SGCD: variants seen among roughly 807,000 people sequenced by gnomAD.
SGCD encodes delta-sarcoglycan.
In SGCD, 18 loss-of-function variants were observed where a neutral mutation model predicts 36.6. That is an observed-to-expected ratio of 0.49 (90% confidence interval 0.34 to 0.73). The LOEUF is 0.73. Ranked by LOEUF, SGCD falls within the 30% of genes least tolerant of loss-of-function variation. SGCD has a pLI of 0.01. For synonymous variants in SGCD, 133 were observed against 130.6 expected, an observed-to-expected ratio of 1.02 and a Z score of -0.12; for missense variants, 387 against 346.7, an observed-to-expected ratio of 1.12 and a Z score of -0.92.
chr5:155,817,426 A>G, the SGCD span, among the ~76,000 whole-genome samples: 6 of 151,876 alleles, frequency 4.0e-5, no homozygotes, highest in African/African-American at 9.7e-5. Flanking sequence ...TGCCAACAAT[A>G]GGTTTAATTA....
intron 3 of SGCD, among the ~76,000 whole-genome samples, chr5:156,231,284 C>T (rs1014011046): frequency 2.6e-5 from 4 of 152,120 alleles, no homozygotes; most frequent in Non-Finnish European, 5.9e-5. Flanking sequence ...CCTGTAATCC[C>T]GACATTTTGG....
At chr5:155,919,422 C>T (rs889686684) in intron 1 of SGCD, among the ~76,000 whole-genome samples, 1 of 152,190 alleles carries the variant, frequency 6.6e-6, no homozygotes, top group Non-Finnish European at 1.5e-5. Context: ...TGAAAGAAAC[C>T]TACTTAGTCA....
intron 7 of SGCD, among the ~76,000 whole-genome samples, chr5:156,754,556 A>T (rs1182202037): frequency 6.6e-6 from 1 of 152,266 alleles, no homozygotes; most frequent in African/African-American, 2.4e-5. Context: ...AGGGGTAAAG[A>T]TACAATAGAT....
At chr5:156,087,253 G>T (rs949942747) in intron 1 of SGCD, among the ~76,000 whole-genome samples, 2 of 152,060 alleles carry the variant, frequency 1.3e-5, no homozygotes, top group African/African-American at 2.4e-5. Context: ...TATTATTTAG[G>T]GCTAATGAGA....
At chr5:156,534,361 C>A (rs1199967087) in intron 4 of SGCD, among the ~76,000 whole-genome samples, 1 of 152,128 alleles carries the variant, frequency 6.6e-6, no homozygotes, top group Non-Finnish European at 1.5e-5. Context: ...TTTGCCATTT[C>A]CTAATCTACC....
At chr5:156,465,084 C>T (rs1754661637) in intron 3 of SGCD, among the ~76,000 whole-genome samples, 1 of 152,056 alleles carries the variant, frequency 6.6e-6, no homozygotes, top group African/African-American at 2.4e-5. Context: ...CAGTGCTGTA[C>T]CCAGGGGCGT....
chr5:156,576,820 T>C, intron 4 of SGCD, among the ~76,000 whole-genome samples: 1 of 152,324 alleles, frequency 6.6e-6, no homozygotes, highest in Admixed American at 6.5e-5. Context: ...ATATTAGCCT[T>C]TTGTTAGATG....
chr5:156,444,318 C>T (rs561644927), intron 3 of SGCD, among the ~76,000 whole-genome samples: 9 of 151,834 alleles, frequency 5.9e-5, no homozygotes, highest in Non-Finnish European at 8.8e-5. Flanking sequence ...TGTGTAACTC[C>T]GCAGGAGCCT....
intron 1 of SGCD, among the ~76,000 whole-genome samples, chr5:156,104,381 G>C (rs958272696): frequency 1.2e-4 from 18 of 152,150 alleles, no homozygotes; most frequent in Non-Finnish European, 2.5e-4. Flanking sequence ...CAAGAGTATA[G>C]TAATATGAGC....
intron 4 of SGCD, among the ~76,000 whole-genome samples, chr5:156,529,144 T>A (rs1346780251): frequency 6.6e-6 from 1 of 151,910 alleles, no homozygotes; most frequent in Non-Finnish European, 1.5e-5. Flanking sequence ...GAAAGGCACA[T>A]GGGCCGGTGC....
At chr5:156,286,703 T>C (rs1278659986) in intron 3 of SGCD, among the ~76,000 whole-genome samples, 3 of 151,986 alleles carry the variant, frequency 2.0e-5, no homozygotes, top group Non-Finnish European at 4.4e-5. Flanking sequence ...GGGATAGCAT[T>C]TGGAGATATA....
At chr5:155,794,381 T>C in the SGCD span, among the ~76,000 whole-genome samples, 2 of 152,132 alleles carry the variant, frequency 1.3e-5, no homozygotes, top group South Asian at 2.1e-4. Flanking sequence ...ATCAAGAAAA[T>C]GGCATCATAT....
intron 1 of SGCD, among the ~76,000 whole-genome samples, chr5:155,950,435 T>G (rs1757526107): frequency 6.6e-6 from 1 of 152,302 alleles, no homozygotes; most frequent in Non-Finnish European, 1.5e-5. Context: ...GGAATTACAC[T>G]GATTGGCTCA....
rs886793970 is a variant in SGCD at position 156,026,653 on chromosome 5, C to A, written c.-281-91225C>A. ...TCGTCAGCTTCCTGCTAGTATCAAGCCCAATTCACAATTGATACCAAGATT... is the reference window on the plus strand; with the variant it reads ...TCGTCAGCTTCCTGCTAGTATCAAGACCAATTCACAATTGATACCAAGATT... On this transcript the variant is annotated intron_variant, in intron 1 of 9. Transcript: ENST00000517913. Among the ~76,000 whole-genome samples, 5 of 152,254 alleles carry A rather than the reference C, an allele frequency of 3.3e-5. No homozygotes were observed. The South Asian group carries it at 6.2e-4, about 19-fold the overall frequency.
At chr5:156,114,351 C>T (rs553185903) in intron 1 of SGCD, among the ~76,000 whole-genome samples, 25 of 152,186 alleles carry the variant, frequency 1.6e-4, no homozygotes, top group African/African-American at 5.3e-4. Flanking sequence ...GTAGCCCCCT[C>T]CTCTCCATCA....
chr5:155,809,503 G>A, the SGCD span, among the ~76,000 whole-genome samples: 2 of 152,190 alleles, frequency 1.3e-5, 1 homozygote, highest in Non-Finnish European at 2.9e-5. Flanking sequence ...TGGGGTAAGT[G>A]AATGATCTTA....
chr5:156,443,154 T>G (rs1753572598), intron 3 of SGCD, among the ~76,000 whole-genome samples: 1 of 152,032 alleles, frequency 6.6e-6, no homozygotes, highest in Non-Finnish European at 1.5e-5. Flanking sequence ...CCAGCTAATT[T>G]TTGTATTTTC....
intron 1 of SGCD, among the ~76,000 whole-genome samples, chr5:156,090,141 G>A (rs980665518): frequency 9.2e-5 from 14 of 152,206 alleles, no homozygotes; most frequent in African/African-American, 2.9e-4. Flanking sequence ...CATGATGGAG[G>A]CCTGGGTAGG....
chr5:156,278,845 T>C (rs539490198), intron 3 of SGCD, among the ~76,000 whole-genome samples: 1 of 152,300 alleles, frequency 6.6e-6, no homozygotes, highest in East Asian at 1.9e-4. Context: ...TTTGGAAAAA[T>C]GGCTTGCCAT....
Sources: gnomAD v4.1 joint callset for allele counts (sites outside exome capture counted in the v4.1 genomes callset) on GRCh38, gnomAD v4.1.1 for gene constraint, MANE v1.5 for transcripts, NCBI Gene and HGNC (gene_info 2026-07-23, HGNC 2026-07-21) for gene names.